The following SUGCT variants were observed in gnomAD, a reference collection of about 807,000 sequenced individuals.
SUGCT encodes the protein succinyl-CoA:glutarate-CoA transferase.
In SUGCT, 41 loss-of-function variants were observed where a neutral mutation model predicts 55.0. The observed-to-expected ratio is 0.74, with a 90% CI of 0.58 to 0.97. SUGCT has a LOEUF of 0.97. Ranked by LOEUF, SUGCT falls within the 50% of genes least tolerant of loss-of-function variation. The pLI, the probability that SUGCT is intolerant of heterozygous loss-of-function variation, is 0.00. For missense variants in SUGCT, 568 were observed against 547.8 expected (o/e 1.04, Z -0.37); for synonymous variants, 187 against 200.4 (o/e 0.93, Z 0.56).
chr7:40,176,323 GA>G (rs1236228794), intron 1 of SUGCT, among the ~76,000 whole-genome samples: 7 of 152,188 alleles, frequency 4.6e-5, no homozygotes, highest in Middle Eastern at 6.8e-3. Flanking sequence ...TGTGTACAAT[GA>G]GTCAGTAAAA....
chr7:41,023,746 A>C, the SUGCT span, among the ~76,000 whole-genome samples: 1 of 151,670 alleles, frequency 6.6e-6, no homozygotes, highest in African/African-American at 2.4e-5. Context: ...GGATTCTGGG[A>C]AGGGATTTTT....
At chr7:40,199,534 A>G (rs1786474202) in intron 6 of SUGCT, among the ~76,000 whole-genome samples, 1 of 152,182 alleles carries the variant, frequency 6.6e-6, no homozygotes, top group Non-Finnish European at 1.5e-5. Flanking sequence ...ATATTTCTCT[A>G]TACTTTTAGA....
chr7:40,242,934 T>TATATATATATATATATATATA (rs1491495282), intron 7 of SUGCT, among the ~76,000 whole-genome samples: 34 of 17,988 alleles, frequency 1.9e-3, no homozygotes, highest in South Asian at 0.011. Context: ...TATATATATA[T>TATATATATATATATATATATA]TTTTTTTTTT....
At chr7:40,998,024 C>T in the SUGCT span, among the ~76,000 whole-genome samples, 1 of 152,118 alleles carries the variant, frequency 6.6e-6, no homozygotes, top group African/African-American at 2.4e-5. Context: ...TCTCAGTGGC[C>T]TCTCTGTAGT....
At chr7:40,465,026 A>C (rs1170082123) in intron 11 of SUGCT, among the ~76,000 whole-genome samples, 1 of 152,238 alleles carries the variant, frequency 6.6e-6, no homozygotes, top group Non-Finnish European at 1.5e-5. Context: ...ATGTCAATGT[A>C]GTCCTAGTGA....
chr7:40,679,106 C>A (rs1412286093), intron 12 of SUGCT, among the ~76,000 whole-genome samples: 1 of 152,158 alleles, frequency 6.6e-6, no homozygotes, highest in South Asian at 2.1e-4. Context: ...TTGGGCTTCC[C>A]ATATTCTTAT....
At chr7:40,955,168 T>G in the SUGCT span, among the ~76,000 whole-genome samples, 1 of 152,232 alleles carries the variant, frequency 6.6e-6, no homozygotes. Context: ...TTTCTAATTC[T>G]GTGAAGAAAG....
intron 9 of SUGCT, among the ~76,000 whole-genome samples, chr7:40,426,897 T>A (rs1787617801): frequency 6.6e-6 from 1 of 152,164 alleles, no homozygotes; most frequent in African/African-American, 2.4e-5. Flanking sequence ...CACTGTAACC[T>A]CAAACTGCTG....
intron 13 of SUGCT, among the ~76,000 whole-genome samples, chr7:40,837,208 T>C (rs746987194): frequency 6.6e-6 from 1 of 152,232 alleles, no homozygotes; most frequent in Non-Finnish European, 1.5e-5. Context: ...TCTTTATATA[T>C]GCTTTTAGCC....
intron 8 of SUGCT, among the ~76,000 whole-genome samples, chr7:40,312,550 T>G (rs1246643386): frequency 6.6e-6 from 1 of 152,040 alleles, no homozygotes; most frequent in Non-Finnish European, 1.5e-5. Context: ...GGGGGATGCA[T>G]GGGTAGGTTA....
At chr7:40,834,207 G>A (rs548368399) in intron 13 of SUGCT, among the ~76,000 whole-genome samples, 305 of 143,984 alleles carry the variant, frequency 2.1e-3, no homozygotes, top group Admixed American at 5.0e-3. Flanking sequence ...CAGCTAAATA[G>A]TTGAACTGAC....
chr7:40,163,473 C>T (rs185497727), intron 1 of SUGCT, among the ~76,000 whole-genome samples: 28 of 151,898 alleles, frequency 1.8e-4, no homozygotes, highest in African/African-American at 5.8e-4. Flanking sequence ...GGCGTGGTGG[C>T]GCGCACCTGT....
chr7:40,409,077 C>A (rs1307752553), intron 9 of SUGCT, among the ~76,000 whole-genome samples: 2 of 152,148 alleles, frequency 1.3e-5, no homozygotes, highest in East Asian at 3.9e-4. Context: ...ACCCCAGCCT[C>A]CTGAGTAGCT....
chr7:40,791,130 C>G (rs187163113), intron 13 of SUGCT, among the ~76,000 whole-genome samples: 23 of 152,266 alleles, frequency 1.5e-4, no homozygotes, highest in Non-Finnish European at 1.3e-4. Flanking sequence ...CATTAATTAT[C>G]TTTGACAGAA....
chr7:41,016,076 T>C, the SUGCT span, among the ~76,000 whole-genome samples: 4 of 152,146 alleles, frequency 2.6e-5, no homozygotes, highest in African/African-American at 9.7e-5. Context: ...TAGGACAAAA[T>C]GTTCCCATGT....
At chr7:40,332,848 C>G (rs1373781083) in intron 9 of SUGCT, among the ~76,000 whole-genome samples, 1 of 152,116 alleles carries the variant, frequency 6.6e-6, no homozygotes, top group African/African-American at 2.4e-5. Flanking sequence ...CAATTTGACA[C>G]AGACCTTGCT....
intron 13 of SUGCT, among the ~76,000 whole-genome samples, chr7:40,804,551 C>T (rs1221226640): frequency 6.7e-6 from 1 of 148,810 alleles, no homozygotes; most frequent in East Asian, 2.0e-4. Context: ...ATATCACTGT[C>T]CGGGCCATTA....
At chr7:40,907,128 TGTGTGTGTGTGTGAGA>T in the SUGCT span, among the ~76,000 whole-genome samples, 370 of 76,370 alleles carry the variant, frequency 4.8e-3, 1 homozygote, top group African/African-American at 7.4e-3. Context: ...TGTGTGTGTG[TGTGTGTGTGTGTGAGA>T]GAGAGAGAGA....
At chr7:40,296,483 A>G (rs6979118) in intron 8 of SUGCT, among the ~76,000 whole-genome samples, 82,436 of 151,972 alleles carry the variant, frequency 0.54, 24,340 homozygotes, top group Non-Finnish European at 0.67. Flanking sequence ...GTTGTCAAGT[A>G]CATATTACAT....
Sources: gnomAD v4.1 joint callset for allele counts (sites outside exome capture counted in the v4.1 genomes callset) on GRCh38, gnomAD v4.1.1 for gene constraint, MANE v1.5 for transcripts, NCBI Gene and HGNC (gene_info 2026-07-23, HGNC 2026-07-21) for gene names.